The following CNTNAP2 variants were observed in gnomAD, a reference collection of about 807,000 sequenced individuals.
CNTNAP2 encodes contactin-associated protein-like 2.
A neutral mutation model predicts 155.2 loss-of-function variants in CNTNAP2; 98 were observed. The observed-to-expected ratio is 0.63, with a 90% confidence interval of 0.54 to 0.75. The LOEUF is 0.75. Ranked by LOEUF, CNTNAP2 falls within the 30% of genes least tolerant of loss-of-function variation. The probability of loss-of-function intolerance (pLI) is 0.00; values close to 1 mark genes in which losing one functional copy is unlikely to be tolerated. For synonymous variants in CNTNAP2, 651 were observed against 631.2 expected, an observed-to-expected ratio of 1.03 and a Z score of -0.47; for missense variants, 1,727 against 1,688.1, an observed-to-expected ratio of 1.02 and a Z score of -0.40.
intron 1 of CNTNAP2, among the ~76,000 whole-genome samples, chr7:146,615,250 G>C (rs968554386): frequency 6.6e-6 from 1 of 152,104 alleles, no homozygotes. Flanking sequence ...TAAAAAGCTA[G>C]ATCTATCTAA....
chr7:147,062,204 A>G (rs1228685984), intron 4 of CNTNAP2, among the ~76,000 whole-genome samples: 1 of 150,434 alleles, frequency 6.6e-6, no homozygotes, highest in Non-Finnish European at 1.5e-5. Context: ...AATTAAAACC[A>G]TAGACAGTAC....
intron 9 of CNTNAP2, among the ~76,000 whole-genome samples, chr7:147,350,741 C>A (rs1024855202): frequency 1.3e-5 from 2 of 151,832 alleles, no homozygotes; most frequent in Non-Finnish European, 2.9e-5. Flanking sequence ...TTAAACAAAA[C>A]ACTTTTTATT....
chr7:147,093,791 C>T (rs931778545), intron 4 of CNTNAP2, among the ~76,000 whole-genome samples: 1 of 152,144 alleles, frequency 6.6e-6, no homozygotes, highest in East Asian at 1.9e-4. Context: ...GTGATTCATC[C>T]AGGGCAAACT....
chr7:148,006,085 A>T (rs978631871), intron 15 of CNTNAP2, among the ~76,000 whole-genome samples: 1 of 152,116 alleles, frequency 6.6e-6, no homozygotes, highest in East Asian at 1.9e-4. Flanking sequence ...ACACAAAAAG[A>T]TGAACCCATT....
At chr7:148,408,316 A>T (rs1799751289) in intron 22 of CNTNAP2, among the ~76,000 whole-genome samples, 1 of 152,154 alleles carries the variant, frequency 6.6e-6, no homozygotes, top group African/African-American at 2.4e-5. Context: ...GGATTAAATC[A>T]CATGTGTTGA....
At chr7:147,817,828 C>T (rs1242399967) in intron 13 of CNTNAP2, among the ~76,000 whole-genome samples, 3 of 150,786 alleles carry the variant, frequency 2.0e-5, no homozygotes, top group Non-Finnish European at 2.9e-5. Context: ...TGGCGTGAAC[C>T]CAGGAGGTGG....
intron 1 of CNTNAP2, among the ~76,000 whole-genome samples, chr7:146,337,180 TA>T (rs1801290961): frequency 6.6e-6 from 1 of 152,008 alleles, no homozygotes; most frequent in Admixed American, 6.6e-5. Flanking sequence ...TATTTCAAAA[TA>T]AAAAATTTAA....
At chr7:148,021,273 T>C (rs1254244812) in intron 15 of CNTNAP2, among the ~76,000 whole-genome samples, 1 of 152,182 alleles carries the variant, frequency 6.6e-6, no homozygotes, top group East Asian at 1.9e-4. Context: ...TGTGCCACTG[T>C]CGGCCACGTA....
intron 8 of CNTNAP2, among the ~76,000 whole-genome samples, chr7:147,234,622 A>C (rs1175385784): frequency 1.3e-5 from 2 of 152,108 alleles, no homozygotes; most frequent in Non-Finnish European, 2.9e-5. Context: ...TACAGGCATG[A>C]GCCACCGCGC....
chr7:146,936,091 G>C (rs1382121474), intron 3 of CNTNAP2, among the ~76,000 whole-genome samples: 2 of 152,080 alleles, frequency 1.3e-5, no homozygotes, highest in Non-Finnish European at 2.9e-5. Context: ...GCTAAGACCG[G>C]AAACCCAAAA....
chr7:147,001,500 A>T (rs1342897207), intron 3 of CNTNAP2, among the ~76,000 whole-genome samples: 1 of 152,074 alleles, frequency 6.6e-6, no homozygotes, highest in African/African-American at 2.4e-5. Flanking sequence ...ATATAGAGAA[A>T]ATCATAATTG....
chr7:146,791,026 C>A (rs2129189022), intron 2 of CNTNAP2, among the ~76,000 whole-genome samples: 1 of 152,082 alleles, frequency 6.6e-6, no homozygotes, highest in Middle Eastern at 3.4e-3. Context: ...ACCCATCAAC[C>A]CGTTATCTAC....
chr7:146,795,593 G>T (rs1165953644), intron 2 of CNTNAP2, among the ~76,000 whole-genome samples: 1 of 152,148 alleles, frequency 6.6e-6, no homozygotes, highest in Non-Finnish European at 1.5e-5. Flanking sequence ...CTGAAGCAGG[G>T]GCTAGAAGCT....
intron 11 of CNTNAP2, among the ~76,000 whole-genome samples, chr7:147,505,347 T>C (rs1038192741): frequency 4.1e-5 from 6 of 146,308 alleles, no homozygotes; most frequent in African/African-American, 1.4e-4. Flanking sequence ...TAAAAGACCT[T>C]CAAACAATAA....
intron 13 of CNTNAP2, among the ~76,000 whole-genome samples, chr7:147,668,324 A>C (rs561915907): frequency 3.9e-5 from 6 of 152,374 alleles, no homozygotes; most frequent in African/African-American, 1.4e-4. Context: ...CTGATAAGAA[A>C]ATCTATGATT....
At chr7:147,303,093 G>A (rs916160548) in intron 9 of CNTNAP2, among the ~76,000 whole-genome samples, 1 of 152,330 alleles carries the variant, frequency 6.6e-6, no homozygotes, top group African/African-American at 2.4e-5. Context: ...AACTCCAGAA[G>A]CATTTCTAAG....
Position 146,319,995 on chromosome 7 carries a change from GC to G in CNTNAP2, c.97+203030del, listed in dbSNP as rs549404229. Reference sequence around the variant, plus strand: ...AGGTAAGCAAAATAATGTAACTGTCGCCCCCCCCACCCCAGTTTTAGTACAA... The same window carrying G: ...AGGTAAGCAAAATAATGTAACTGTCGCCCCCCCACCCCAGTTTTAGTACAA... On this transcript the variant is annotated intron_variant, in intron 1 of 23. Transcript: ENST00000361727. 1.9e-3 allele frequency among the ~76,000 whole-genome samples: 279 copies of G among 149,544 alleles called. 1 individual carries two copies. Among genetic ancestry groups the G allele is most frequent in the Middle Eastern group, 0.014 (4 of 292 alleles).
chr7:147,083,301 A>G (rs1285698939), intron 4 of CNTNAP2: 1 of 152,094 alleles, frequency 6.6e-6, no homozygotes, highest in Non-Finnish European at 1.5e-5. Context: ...GCTACAGTTC[A>G]TAACGTAGTT....
At chr7:148,207,597 G>A (rs752754381) in intron 18 of CNTNAP2, among the ~76,000 whole-genome samples, 3 of 152,212 alleles carry the variant, frequency 2.0e-5, no homozygotes, top group Non-Finnish European at 2.9e-5. Context: ...GAATGTATTT[G>A]CACATACTTT....
Sources: gnomAD v4.1 joint callset for allele counts (sites outside exome capture counted in the v4.1 genomes callset) on GRCh38, gnomAD v4.1.1 for gene constraint, MANE v1.5 for transcripts, NCBI Gene and HGNC (gene_info 2026-07-23, HGNC 2026-07-21) for gene names.